The following MSS51 variants were observed in gnomAD, a reference collection of about 807,000 sequenced individuals.
MSS51 encodes MSS51 mitochondrial translational activator, also known as putative protein MSS51 homolog, mitochondrial.
MSS51 carries 32 observed loss-of-function variants against 40.2 expected under a neutral mutation model. The observed-to-expected ratio is 0.80, with a 90% CI of 0.60 to 1.07. MSS51 has a LOEUF of 1.07. MSS51 is among the 50% of genes least tolerant of loss of function. The pLI, the probability that MSS51 is intolerant of heterozygous loss-of-function variation, is 0.00. For missense variants in MSS51, 518 were observed against 568.9 expected (o/e 0.91, Z 0.91); for synonymous variants, 178 against 214.2 (o/e 0.83, Z 1.48).
At chr10:73,425,700 A>G (rs1364846824) in intron 5 of MSS51, 111 bp downstream of exon 5, 3 of 910,628 alleles carry the variant, frequency 3.3e-6, no homozygotes, top group South Asian at 2.0e-5. Flanking sequence ...AAAAGTTGTC[A>G]TCATATTGTG....
intron 5 of MSS51, 106 bp downstream of exon 5, chr10:73,425,705 A>C (rs1004128755): frequency 1.1e-6 from 1 of 917,832 alleles, no homozygotes; most frequent in Non-Finnish European, 1.6e-6. Context: ...TTGTCATCAT[A>C]TTGTGTTTAA....
intron 2 of MSS51, 63 bp from the exon 3 acceptor site, chr10:73,427,831 G>GC (rs2056000906): frequency 3.8e-6 from 6 of 1,564,686 alleles, no homozygotes; most frequent in South Asian, 3.5e-5. Flanking sequence ...AATCTCTCAT[G>GC]CCCCCCATCT....
At position 73,425,097 on chromosome 10, in the gene MSS51, C is replaced by A; in HGVS notation, c.1163+1G>T. On this transcript the variant is annotated splice_donor_variant, in intron 6 of 6. Transcript: ENST00000299432. LOFTEE classifies it high-confidence loss of function. ...TATCACAAATAGGATGAGGTCAAAACCTGTAAACAGTAATCAATGTAGGAA... is the reference window on the plus strand; with the variant it reads ...TATCACAAATAGGATGAGGTCAAAAACTGTAAACAGTAATCAATGTAGGAA... 1 of 1,610,522 alleles carries A rather than the reference C, an allele frequency of 6.2e-7. No individual in the cohort carries two copies. Among genetic ancestry groups the A allele is most frequent in the Non-Finnish European group, 8.5e-7 (1 of 1,176,978 alleles).
At position 73,425,857 on chromosome 10, in the gene MSS51, C is replaced by A. The variant is rs747816944; in HGVS notation, c.1023G>T (p.Glu341Asp). The A allele has an allele frequency of 7.4e-6, 12 of 1,614,054 alleles. No individual in the cohort carries two copies. The highest frequency in any genetic ancestry group is 1.0e-5 in the Non-Finnish European group (12 of 1,180,020). ...LYHDFWEEQV[E>D]TGQTHHPDLV... Reference sequence around the variant, plus strand: ...AATCTGGATGGTGTGTCTGCCCGGTCTCTACTTGCTCCTCCCAGAAGTCAT... The same window carrying A: ...AATCTGGATGGTGTGTCTGCCCGGTATCTACTTGCTCCTCCCAGAAGTCAT... Residue 341 changes from glutamate to aspartate, a missense_variant, in exon 5 of 7, where the codon GAG becomes GAT. By Grantham distance (45) the Glu-to-Asp change is conservative. Coordinates refer to ENST00000299432, the MANE Select transcript of MSS51 (RefSeq NM_001024593.2).
At position 73,424,722 on chromosome 10, in the gene MSS51, T is replaced by C. The variant is rs1157525233; in HGVS notation, c.1214A>G (p.His405Arg). 2 of 1,614,154 alleles carry C rather than the reference T, an allele frequency of 1.2e-6. No individual in the cohort carries two copies. Among genetic ancestry groups the C allele is most frequent in the Non-Finnish European group, 1.7e-6 (2 of 1,180,022 alleles). Residue 405 changes from histidine to arginine, a missense_variant, in exon 7 of 7, where the codon CAC (histidine) becomes CGC (arginine). Coordinates refer to ENST00000299432, the MANE Select transcript of MSS51 (RefSeq NM_001024593.2). ...AGGATTAGACCCAAAGGCAGTGATG[T>C]GTGTATCCAGTTCCACCAGAATCTG... is the stretch of plus-strand genomic sequence containing the variant. ...SLQILVELDTHITAFGSNPFM... is the reference protein window; with the variant it reads ...SLQILVELDTRITAFGSNPFM...
intron 1 of MSS51, among the ~76,000 whole-genome samples, chr10:73,432,370 C>CTT (rs1005116074): frequency 1.4e-5 from 2 of 146,768 alleles, no homozygotes; most frequent in East Asian, 2.0e-4. Context: ...GAAAGAATGA[C>CTT]TTTTTTTTTT....
chr10:73,432,591 G>C (rs1380620762), intron 1 of MSS51, among the ~76,000 whole-genome samples: 1 of 152,170 alleles, frequency 6.6e-6, no homozygotes, highest in Non-Finnish European at 1.5e-5. Context: ...GGCAATCTGG[G>C]AGTTGGCTGA....
intron 1 of MSS51, among the ~76,000 whole-genome samples, chr10:73,432,370 C>CT (rs1005116074): frequency 6.8e-4 from 100 of 146,784 alleles, no homozygotes; most frequent in Admixed American, 8.9e-4. Context: ...GAAAGAATGA[C>CT]TTTTTTTTTT....
chr10:73,433,513 C>G lies in MSS51; in HGVS notation c.-18G>C, dbSNP rs1034276527. ...CAGGTTGACGGAAAAAAAAACTTAC[C>G]CTGCTAAGTCCTCAGCTTCCTTCCT... On this transcript the variant is annotated splice_region_variant and 5_prime_UTR_variant, in exon 1 of 7. Transcript: ENST00000299432. 2 of 152,118 alleles carry G rather than the reference C, an allele frequency of 1.3e-5. No individual in the cohort carries two copies. The highest frequency in any genetic ancestry group is 4.8e-5 in the African/African-American group (2 of 41,418). 9.4% of individuals were successfully genotyped at this position (152,118 alleles called of 1,614,324 possible).
chr10:73,427,648 C>T lies in MSS51; in HGVS notation c.342G>A (p.Gly114=). Reference sequence around the variant, plus strand: ...GCCGGAGAACCTTGGAGTCTGAAAGCCCACTAGGGAGTGCTCTACAGTGAG... The same window carrying T: ...GCCGGAGAACCTTGGAGTCTGAAAGTCCACTAGGGAGTGCTCTACAGTGAG... ...FCAHCRALPS[G]LSDSKVLRHC... Residue 114 remains glycine (G), a synonymous_variant, in exon 3 of 7, where the codon GGG becomes GGA. Coordinates refer to ENST00000299432, the MANE Select transcript of MSS51 (RefSeq NM_001024593.2). The T allele has an allele frequency of 1.2e-6, 2 of 1,613,472 alleles. No individual in the cohort carries two copies. Among genetic ancestry groups the T allele is most frequent in the Non-Finnish European group, 1.7e-6 (2 of 1,179,590 alleles).
chr10:73,426,717 T>C lies in MSS51; in HGVS notation c.392A>G (p.Tyr131Cys), dbSNP rs531885923. The C allele has an allele frequency of 1.4e-5, 22 of 1,614,074 alleles. No individual in the cohort carries two copies. The South Asian group carries it at 1.6e-4, about 12-fold the overall frequency. ...CTTCTGGCACTCTGGACCACAGTAA[T>C]AGACATTTCTGCACCTGAGAGAATG... ...LRHCKRCRNV[Y>C]YCGPECQKSD... Residue 131 changes from tyrosine (Y) to cysteine (C), a missense_variant, in exon 4 of 7, where the codon TAT (tyrosine) becomes TGT (cysteine). Transcript: ENST00000299432.
rs1287575597 is a variant in MSS51 at position 73,424,404 on chromosome 10, T to C, written c.*149A>G. The C allele has an allele frequency of 6.1e-6, 4 of 657,668 alleles. No individual in the cohort carries two copies. Among genetic ancestry groups the C allele is most frequent in the South Asian group, 1.9e-5 (1 of 53,122 alleles). The allele number at this position is 657,668 out of a possible 1,614,324, so 40.7% of individuals were successfully genotyped here. A position where few individuals can be genotyped will look rare whatever the true frequency, so the allele number is the denominator to read the frequency against. ...AAAAAGAAAGAAACCAGTTATGTTATACAGAAACTCTCATTCAGCTTAGAA... is the reference window on the plus strand; with the variant it reads ...AAAAAGAAAGAAACCAGTTATGTTACACAGAAACTCTCATTCAGCTTAGAA... On this transcript the variant is annotated 3_prime_UTR_variant, in exon 7 of 7. Transcript: ENST00000299432.
At chr10:73,425,503 C>T (rs1448494177) in intron 5 of MSS51, among the ~76,000 whole-genome samples, 15 of 151,560 alleles carry the variant, frequency 9.9e-5, no homozygotes, top group Admixed American at 9.9e-4. Context: ...TGAAACCCCG[C>T]CTCTACTAAA....
intron 3 of MSS51, 106 bp downstream of exon 3, chr10:73,427,507 A>C: frequency 1.6e-6 from 2 of 1,268,438 alleles, no homozygotes; most frequent in Non-Finnish European, 2.2e-6. Context: ...CATGTGATCC[A>C]CCTGCCTCGG....
At position 73,426,304 on chromosome 10, in the gene MSS51, A is replaced by G; in HGVS notation, c.576T>C (p.Ser192=). 6.2e-7 allele frequency: 1 copy of G among 1,607,264 alleles called. No individual in the cohort carries two copies. The change falls in exon 5 of 7, where the codon TCT becomes TCC. Residue 192 remains serine, a synonymous_variant. Transcript: ENST00000299432. The stretch of plus-strand genomic sequence containing the variant: ...TAGCATCTAGGTGTAACCCCTTCAT[A>G]GAAAACCAGGAGTCCCAGTCCTGTA... ...EAVQDWDSWF[S]MKGLHLDATL... is the part of the protein sequence containing the mutation.
At chr10:73,431,389 CAG>C (rs1294054236) in intron 1 of MSS51, among the ~76,000 whole-genome samples, 1 of 152,108 alleles carries the variant, frequency 6.6e-6, no homozygotes, top group East Asian at 1.9e-4. Flanking sequence ...AGAGAAATAA[CAG>C]AGGATTAAAA....
chr10:73,426,714 T>C lies in MSS51; in HGVS notation c.395A>G (p.Tyr132Cys). ...TGACTTCTGGCACTCTGGACCACAG[T>C]AATAGACATTTCTGCACCTGAGAGA... Reference protein sequence around the residue: ...RHCKRCRNVYYCGPECQKSDW... With the variant: ...RHCKRCRNVYCCGPECQKSDW... The change falls in exon 4 of 7, where the codon TAC becomes TGC. Residue 132 changes from tyrosine (Y) to cysteine (C), a missense_variant. By Grantham distance (194) the Tyr-to-Cys change is radical (BLOSUM62 -2). Coordinates refer to ENST00000299432, the MANE Select transcript of MSS51 (RefSeq NM_001024593.2). 1 of 1,614,098 alleles carries C rather than the reference T, an allele frequency of 6.2e-7. No homozygotes were observed. Among genetic ancestry groups the C allele is most frequent in the Non-Finnish European group, 8.5e-7 (1 of 1,179,998 alleles).
At position 73,426,768 on chromosome 10, in the gene MSS51, A is replaced by C. The variant is rs1353974751; in HGVS notation, c.378-37T>G. ...AGAGAGAAATAGTTCTTATACTATA[A>C]ATATGATTGGGGTTATCGGAGGAAA... is the stretch of plus-strand genomic sequence containing the variant. On this transcript the variant is annotated intron_variant, in intron 3 of 6. Transcript: ENST00000299432. 3.1e-6 allele frequency: 5 copies of C among 1,608,742 alleles called. No homozygotes were observed. The Admixed American group carries it at 8.4e-5, about 27-fold the overall frequency.
intron 6 of MSS51, 86 bp downstream of exon 6, chr10:73,425,012 G>T (rs1192024679): frequency 1.4e-5 from 15 of 1,061,518 alleles, no homozygotes; most frequent in Non-Finnish European, 2.0e-5. Flanking sequence ...GAAGGTAGAT[G>T]AGCAAGAGGG....
Sources: allele counts gnomAD v4.1 joint callset (sites outside exome capture counted in the v4.1 genomes callset), GRCh38; gene constraint gnomAD v4.1.1; transcripts MANE v1.5; gene names NCBI Gene and HGNC (gene_info 2026-07-23, HGNC 2026-07-21).